KIRREL3: variants seen among roughly 807,000 people sequenced by gnomAD.
KIRREL3 encodes the protein kin of IRRE-like protein 3.
A neutral mutation model predicts 89.7 loss-of-function variants in KIRREL3; 36 were observed. The observed-to-expected ratio is 0.40, with a 90% confidence interval of 0.31 to 0.53. The LOEUF (loss-of-function observed/expected upper bound fraction) is 0.53, where lower values mean the gene tolerates loss of function less well. Among genes scored for constraint, KIRREL3 ranks in the 20% least tolerant of loss-of-function variants. The pLI is 0.49. For missense variants in KIRREL3, 864 were observed against 1,056.6 expected (o/e 0.82, Z 2.53); for synonymous variants, 445 against 441.4 (o/e 1.01, Z -0.10).
chr11:126,476,822 G>A lies in KIRREL3; in HGVS notation c.434-3356C>T, dbSNP rs1328931475. On this transcript the variant is annotated intron_variant, in intron 4 of 16. Transcript: ENST00000525144. The surrounding 1 kb of genome is among the most constrained non-coding windows in gnomAD (Gnocchi z 6.4). ...CCAGGCTGGGCCAGGCAGTGGCGAGGGGAGGAAGTTTCAGAGTGGTCCCCG... is the reference window on the plus strand; with the variant it reads ...CCAGGCTGGGCCAGGCAGTGGCGAGAGGAGGAAGTTTCAGAGTGGTCCCCG... Among the ~76,000 whole-genome samples the A allele has an allele frequency of 6.6e-6, 1 of 152,192 alleles. No homozygotes were observed.
intron 1 of KIRREL3, among the ~76,000 whole-genome samples, chr11:126,916,981 G>A (rs1446948499): frequency 6.6e-6 from 1 of 152,172 alleles, no homozygotes; most frequent in Non-Finnish European, 1.5e-5. Flanking sequence ...CCCTATACAT[G>A]TAAATTCTTT....
chr11:126,597,844 C>T (rs79780946), intron 1 of KIRREL3, among the ~76,000 whole-genome samples: 2,127 of 152,352 alleles, frequency 0.014, 40 homozygotes, highest in African/African-American at 0.048. Flanking sequence ...TTCCTGTCTT[C>T]ACTTTTCTAC....
rs1939863543 is a variant in KIRREL3 at position 126,558,422 on chromosome 11, C to G, written c.133+4413G>C. 6.6e-6 allele frequency among the ~76,000 whole-genome samples: 1 copy of G among 152,164 alleles called. No individual in the cohort carries two copies. Among genetic ancestry groups the G allele is most frequent in the South Asian group, 2.1e-4 (1 of 4,834 alleles). ...AGCCACCCTGAAAAATGAAACCAAG[C>G]TGAAGTGTTAGAGGCTTTCCCTCTG... On this transcript the variant is annotated intron_variant, in intron 2 of 16. Coordinates refer to ENST00000525144, the MANE Select transcript of KIRREL3 (RefSeq NM_032531.4). The surrounding 1 kb of genome is among the most constrained non-coding windows in gnomAD (Gnocchi z 4.0).
At position 126,684,420 on chromosome 11, in the gene KIRREL3, G is replaced by A. The variant is rs971567209; in HGVS notation, c.56-121508C>T. On this transcript the variant is annotated intron_variant, in intron 1 of 16. Coordinates refer to ENST00000525144, the MANE Select transcript of KIRREL3 (RefSeq NM_032531.4). This position sits in a 1 kb window ranked among gnomAD's most constrained non-coding sequence, Gnocchi z 4.2. ...GAAGCAAAACCTCCTGGTTGAACTG[G>A]CTTCCCTGCCCCTCCAAAGTGGTTC... 1.3e-4 allele frequency among the ~76,000 whole-genome samples: 20 copies of A among 152,208 alleles called. No homozygotes were observed. Among genetic ancestry groups the A allele is most frequent in the Non-Finnish European group, 1.9e-4 (13 of 68,036 alleles).
At position 126,897,992 on chromosome 11, in the gene KIRREL3, T is replaced by C. The variant is rs1400525373; in HGVS notation, c.55+102463A>G. ...ACTGTCCACACTGGTCTAGCACTATTGTGTCACTGAATTCCTACAGAATCT... is the reference window on the plus strand; with the variant it reads ...ACTGTCCACACTGGTCTAGCACTATCGTGTCACTGAATTCCTACAGAATCT... On this transcript the variant is annotated intron_variant, in intron 1 of 16. Coordinates refer to ENST00000525144, the MANE Select transcript of KIRREL3 (RefSeq NM_032531.4). The surrounding 1 kb of genome is among the most constrained non-coding windows in gnomAD (Gnocchi z 4.2). Among the ~76,000 whole-genome samples the C allele has an allele frequency of 6.6e-6, 1 of 152,146 alleles. No homozygotes were observed. Among genetic ancestry groups the C allele is most frequent in the Admixed American group, 6.5e-5 (1 of 15,290 alleles).
rs1350129688 is a variant in KIRREL3, at chr11:126,664,250, T to TA, written c.56-101339dup. ...GGGCCATTAGCATTTTTTTTTTTTT[T>TA]ACCATCATTATGATCATCAACCCAG... On this transcript the variant is annotated intron_variant, in intron 1 of 16. Coordinates refer to ENST00000525144, the MANE Select transcript of KIRREL3 (RefSeq NM_032531.4). This position sits in a 1 kb window ranked among gnomAD's most constrained non-coding sequence, Gnocchi z 5.4. 5.4e-5 allele frequency among the ~76,000 whole-genome samples: 8 copies of TA among 147,562 alleles called. No homozygotes were observed. The highest frequency in any genetic ancestry group is 2.2e-4 in the South Asian group (1 of 4,600).
At chr11:126,857,996 G>T in intron 1 of KIRREL3, among the ~76,000 whole-genome samples, 1 of 152,286 alleles carries the variant, frequency 6.6e-6, no homozygotes. Context: ...GATGAAAGAA[G>T]TAATGGGCTT....
Position 126,474,431 on chromosome 11 carries a change from A to G in KIRREL3, c.434-965T>C, listed in dbSNP as rs192774949. Among the ~76,000 whole-genome samples, 23 of 152,234 alleles carry G rather than the reference A, an allele frequency of 1.5e-4. No homozygotes were observed. The highest frequency in any genetic ancestry group is 5.3e-4 in the African/African-American group (22 of 41,564). ...CAGGGCTGGAGGCCAGGCCCAGGGA[A>G]CCTGGGAGCACCAGGCCGGCCCCTT... is the stretch of plus-strand genomic sequence containing the variant. On this transcript the variant is annotated intron_variant, in intron 4 of 16. Transcript: ENST00000525144. The surrounding 1 kb of genome is among the most constrained non-coding windows in gnomAD (Gnocchi z 6.7).
At chr11:126,973,773 A>G (rs1949495528) in intron 1 of KIRREL3, among the ~76,000 whole-genome samples, 1 of 152,188 alleles carries the variant, frequency 6.6e-6, no homozygotes, top group African/African-American at 2.4e-5. Context: ...TATGCACTAC[A>G]CTGCTTGGCA....
intron 1 of KIRREL3, among the ~76,000 whole-genome samples, chr11:126,950,514 T>C (rs1275157533): frequency 6.6e-6 from 1 of 152,244 alleles, no homozygotes; most frequent in East Asian, 1.9e-4. Context: ...ATTACTTATC[T>C]TGGAAATGTT....
At chr11:126,869,410 C>G (rs542212598) in intron 1 of KIRREL3, among the ~76,000 whole-genome samples, 2 of 152,282 alleles carry the variant, frequency 1.3e-5, no homozygotes, top group East Asian at 3.9e-4. Flanking sequence ...CCTGCAGTGT[C>G]TCCAGGGATC....
Position 126,575,508 on chromosome 11 carries a change from G to T in KIRREL3, c.56-12596C>A, listed in dbSNP as rs1941209735. 6.6e-6 allele frequency among the ~76,000 whole-genome samples: 1 copy of T among 152,200 alleles called. No homozygotes were observed. The highest frequency in any genetic ancestry group is 2.1e-4 in the South Asian group (1 of 4,826). ...CCCTGTCTAAATGTATGGAACCAAG[G>T]CCGGACACATTGTAAGCCCCTATAA... On this transcript the variant is annotated intron_variant, in intron 1 of 16. Coordinates refer to ENST00000525144, the MANE Select transcript of KIRREL3 (RefSeq NM_032531.4). The surrounding 1 kb of genome is among the most constrained non-coding windows in gnomAD (Gnocchi z 7.0).
intron 1 of KIRREL3, among the ~76,000 whole-genome samples, chr11:126,980,817 A>G (rs1949701496): frequency 6.6e-6 from 1 of 152,192 alleles, no homozygotes; most frequent in Non-Finnish European, 1.5e-5. Context: ...TTTAAAAGTG[A>G]TACTGGGCTA....
rs1949770029 is a variant in KIRREL3, at chr11:126,983,479, G to C, written c.55+16976C>G. On this transcript the variant is annotated intron_variant, in intron 1 of 16. Transcript: ENST00000525144. The surrounding 1 kb of genome is among the most constrained non-coding windows in gnomAD (Gnocchi z 4.9). ...GTAATTAAGTTAAGGTCTTGAGAGA[G>C]AGAGATTTTCCTAAATTACCCTCTG... 1.3e-5 allele frequency among the ~76,000 whole-genome samples: 2 copies of C among 152,306 alleles called. No individual in the cohort carries two copies. Among genetic ancestry groups the C allele is most frequent in the South Asian group, 2.1e-4 (1 of 4,826 alleles).
Position 126,477,580 on chromosome 11 carries a change from G to A in KIRREL3, c.434-4114C>T, listed in dbSNP as rs984444959. Among the ~76,000 whole-genome samples, 2 of 152,154 alleles carry A rather than the reference G, an allele frequency of 1.3e-5. No homozygotes were observed. The highest frequency in any genetic ancestry group is 4.8e-5 in the African/African-American group (2 of 41,442). The stretch of plus-strand genomic sequence containing the variant: ...GAGGTAAAGCTTTCATCTATTTCAC[G>A]CACTAAGGTTCTCTCTAACCTCTAT... On this transcript the variant is annotated intron_variant, in intron 4 of 16. Transcript: ENST00000525144. The surrounding 1 kb of genome is among the most constrained non-coding windows in gnomAD (Gnocchi z 4.8).
At chr11:126,667,863 C>A (rs1056415111) in intron 1 of KIRREL3, among the ~76,000 whole-genome samples, 1 of 152,086 alleles carries the variant, frequency 6.6e-6, no homozygotes, top group Non-Finnish European at 1.5e-5. Flanking sequence ...CAGATCTGGC[C>A]GATCTGAGGA....
intron 1 of KIRREL3, among the ~76,000 whole-genome samples, chr11:126,813,894 A>T (rs1388442580): frequency 1.3e-5 from 2 of 152,202 alleles, no homozygotes; most frequent in African/African-American, 2.4e-5. Context: ...AATTGCAACA[A>T]AAGCAAAAAT....
intron 13 of KIRREL3, among the ~76,000 whole-genome samples, chr11:126,433,985 G>A (rs1955228185): frequency 6.6e-6 from 1 of 152,250 alleles, no homozygotes; most frequent in Non-Finnish European, 1.5e-5. Context: ...GCTGGGGGAG[G>A]GGTGCCCTCT....
At chr11:126,456,600 G>C in intron 6 of KIRREL3, 146 bp from the exon 7 acceptor site, 1 of 610,340 alleles carries the variant, frequency 1.6e-6, no homozygotes, top group Non-Finnish European at 2.9e-6. Context: ...GAAGCTGGGG[G>C]CTCCATGGGA....
Sources: gnomAD v4.1 joint callset for allele counts (sites outside exome capture counted in the v4.1 genomes callset) on GRCh38, gnomAD v4.1.1 for gene constraint, Gnocchi (gnomAD v3.1) non-coding constraint, MANE v1.5 for transcripts, NCBI Gene and HGNC (gene_info 2026-07-23, HGNC 2026-07-21) for gene names.